Variants in AP1AR observed in about 807,000 individuals in gnomAD.
AP1AR encodes the protein AP-1 complex-associated regulatory protein.
AP1AR carries 29 observed loss-of-function variants against 46.3 expected under a neutral mutation model. That is an observed-to-expected ratio of 0.63 (90% CI 0.47 to 0.85). AP1AR has a LOEUF of 0.85. AP1AR is among the 40% of genes least tolerant of loss of function. AP1AR has a pLI of 0.00. For synonymous variants in AP1AR, 122 were observed against 122.9 expected (o/e 0.99, Z 0.05); for missense variants, 357 against 356.3 (o/e 1.00, Z -0.02).
intron 5 of AP1AR, among the ~76,000 whole-genome samples, chr4:112,262,584 A>T (rs1268422035): frequency 6.6e-6 from 1 of 152,214 alleles, no homozygotes; most frequent in Non-Finnish European, 1.5e-5. Flanking sequence ...AATTTTGTGA[A>T]AGCTGAGTTC....
At chr4:112,266,443 A>C in intron 8 of AP1AR, 145 bp from the exon 9 acceptor site, 1 of 883,022 alleles carries the variant, frequency 1.1e-6, no homozygotes, top group Non-Finnish European at 1.7e-6. Context: ...GAAACTTACC[A>C]ATAAAATGAT....
At chr4:112,245,631 A>G (rs753385146) in intron 1 of AP1AR, among the ~76,000 whole-genome samples, 1 of 152,206 alleles carries the variant, frequency 6.6e-6, no homozygotes, top group Non-Finnish European at 1.5e-5. Flanking sequence ...GATCTATCCA[A>G]TAGGATAACA....
At chr4:112,253,052 A>T (rs1178309564) in intron 1 of AP1AR, among the ~76,000 whole-genome samples, 156 bp from the exon 2 acceptor site, 1 of 152,188 alleles carries the variant, frequency 6.6e-6, no homozygotes, top group Non-Finnish European at 1.5e-5. Flanking sequence ...GACTTTTTAT[A>T]GTCTTAGGTA....
At chr4:112,245,229 T>A (rs1359164256) in intron 1 of AP1AR, among the ~76,000 whole-genome samples, 2 of 152,278 alleles carry the variant, frequency 1.3e-5, no homozygotes, top group East Asian at 3.9e-4. Flanking sequence ...TTATGCATAA[T>A]ACAATTAAAC....
intron 8 of AP1AR, 22 bp downstream of exon 8, chr4:112,265,829 C>T (rs751862110): frequency 1.3e-6 from 2 of 1,508,288 alleles, no homozygotes; most frequent in Non-Finnish European, 1.8e-6. Context: ...AAAGTATTTT[C>T]TGTACTTTTT....
chr4:112,260,582 A>T (rs1479368155), intron 4 of AP1AR, among the ~76,000 whole-genome samples, 184 bp from the exon 5 acceptor site: 1 of 152,272 alleles, frequency 6.6e-6, no homozygotes, highest in African/African-American at 2.4e-5. Context: ...TTTATATACT[A>T]GAATAATAGC....
At chr4:112,257,861 A>T in intron 4 of AP1AR, 64 bp downstream of exon 4, 1 of 1,385,772 alleles carries the variant, frequency 7.2e-7, no homozygotes, top group East Asian at 2.5e-5. Context: ...CTCTCTTAAG[A>T]AGTCAGGCTT....
intron 1 of AP1AR, among the ~76,000 whole-genome samples, chr4:112,240,544 A>G (rs1246428522): frequency 6.6e-6 from 1 of 152,236 alleles, no homozygotes; most frequent in Non-Finnish European, 1.5e-5. Flanking sequence ...TGCCTAGTAC[A>G]TATTACATGT....
intron 5 of AP1AR, among the ~76,000 whole-genome samples, chr4:112,262,012 A>T (rs542928976): frequency 6.6e-6 from 1 of 152,010 alleles, no homozygotes; most frequent in Admixed American, 6.6e-5. Flanking sequence ...ATACATACAT[A>T]TACATATATT....
chr4:112,243,000 C>T (rs1437173274), intron 1 of AP1AR, among the ~76,000 whole-genome samples: 4 of 152,176 alleles, frequency 2.6e-5, no homozygotes, highest in Non-Finnish European at 5.9e-5. Flanking sequence ...CCTCTTTCAG[C>T]TCCTCAACTT....
chr4:112,266,279 T>G (rs1404556967), intron 8 of AP1AR, among the ~76,000 whole-genome samples: 1 of 151,804 alleles, frequency 6.6e-6, no homozygotes, highest in Non-Finnish European at 1.5e-5. Context: ...TCTTTCTTGT[T>G]CATTGTTTTT....
intron 5 of AP1AR, 63 bp downstream of exon 5, chr4:112,260,925 A>G: frequency 9.2e-7 from 1 of 1,084,852 alleles, no homozygotes; most frequent in Non-Finnish European, 1.3e-6. Flanking sequence ...TCATTAAATA[A>G]TATATTGTGT....
chr4:112,257,342 A>G (rs1726240661), intron 3 of AP1AR, among the ~76,000 whole-genome samples: 1 of 152,292 alleles, frequency 6.6e-6, no homozygotes, highest in Non-Finnish European at 1.5e-5. Flanking sequence ...GAGCTCAAAT[A>G]TTGATTTTGT....
intron 3 of AP1AR, among the ~76,000 whole-genome samples, chr4:112,257,331 A>G (rs1366241894): frequency 6.6e-6 from 1 of 152,200 alleles, no homozygotes. Context: ...AATGACCAAG[A>G]GAGCTCAAAT....
intron 1 of AP1AR, among the ~76,000 whole-genome samples, chr4:112,250,723 G>T (rs1163032402): frequency 6.6e-6 from 1 of 152,116 alleles, no homozygotes; most frequent in Non-Finnish European, 1.5e-5. Flanking sequence ...AGCTTTTATT[G>T]TGGTAGGAGT....
rs146297798 is a variant in AP1AR, at chr4:112,271,286, C to T, written c.*2877C>T. Reference sequence around the variant, plus strand: ...TCTTGCAAAATACCTCCCTGTCTTGCAAAAGGCTGCCGTGAGGCAATTTCT... The same window carrying T: ...TCTTGCAAAATACCTCCCTGTCTTGTAAAAGGCTGCCGTGAGGCAATTTCT... On this transcript the variant is annotated 3_prime_UTR_variant, in exon 10 of 10. Coordinates refer to ENST00000274000, the MANE Select transcript of AP1AR (RefSeq NM_018569.6). Among the ~76,000 whole-genome samples the T allele has an allele frequency of 1.3e-5, 2 of 152,212 alleles. No individual in the cohort carries two copies. The highest frequency in any genetic ancestry group is 1.3e-4 in the Admixed American group (2 of 15,284).
At chr4:112,247,021 A>G (rs1010119063) in intron 1 of AP1AR, among the ~76,000 whole-genome samples, 3 of 152,128 alleles carry the variant, frequency 2.0e-5, no homozygotes, top group African/African-American at 4.8e-5. Context: ...CTGATCCATG[A>G]TGTATTGTTT....
chr4:112,268,310 T>C lies in AP1AR; in HGVS notation c.810T>C (p.Asp270=), dbSNP rs747900882. 5.6e-6 allele frequency: 9 copies of C among 1,613,034 alleles called. No homozygotes were observed. In the Admixed American group the frequency reaches 1.3e-4, roughly 24 times the overall value. ...WENDFVSAEM[D]DNGNSEYSGF... is the part of the protein sequence containing the mutation. The stretch of plus-strand genomic sequence containing the variant: ...ATGATTTTGTTAGTGCCGAAATGGA[T>C]GATAATGGAAATTCCGAGTATTCTG... The change falls in exon 10 of 10, where the codon GAT becomes GAC. Residue 270 remains aspartate, a synonymous_variant. Transcript: ENST00000274000.
chr4:112,252,661 T>A (rs1165052595), intron 1 of AP1AR, among the ~76,000 whole-genome samples: 1 of 152,232 alleles, frequency 6.6e-6, no homozygotes, highest in Non-Finnish European at 1.5e-5. Context: ...GATTGTTTGA[T>A]TGACATGTAT....
Sources: gnomAD v4.1 joint callset for allele counts (sites outside exome capture counted in the v4.1 genomes callset) on GRCh38, gnomAD v4.1.1 for gene constraint, MANE v1.5 for transcripts, NCBI Gene and HGNC (gene_info 2026-07-23, HGNC 2026-07-21) for gene names.